Variants in ZNF704 observed in about 807,000 individuals in gnomAD.
ZNF704 encodes glucocorticoid induced gene 1.
ZNF704 carries 10 observed loss-of-function variants against 44.7 expected under a neutral mutation model. That is an observed-to-expected ratio of 0.22 (90% CI 0.14 to 0.38). ZNF704 has a LOEUF of 0.38. ZNF704 is among the 10% of genes least tolerant of loss of function. ZNF704 has a pLI of 1.00. For synonymous variants in ZNF704, 211 were observed against 207.6 expected, an observed-to-expected ratio of 1.02 and a Z score of -0.14; for missense variants, 390 against 545.5, an observed-to-expected ratio of 0.71 and a Z score of 2.84.
chr8:80,774,836 A>G (rs1030224023), intron 2 of ZNF704, among the ~76,000 whole-genome samples: 2 of 152,180 alleles, frequency 1.3e-5, no homozygotes, highest in Non-Finnish European at 2.9e-5. Context: ...AGCAGGCTCC[A>G]TTGGAGCTTT....
chr8:80,662,429 C>A (rs569153348), intron 6 of ZNF704, among the ~76,000 whole-genome samples: 1 of 152,192 alleles, frequency 6.6e-6, no homozygotes, highest in Non-Finnish European at 1.5e-5. Context: ...TATAGATGAG[C>A]AAAATGATTT....
chr8:80,775,499 A>C (rs975722048), intron 2 of ZNF704, among the ~76,000 whole-genome samples: 3 of 152,224 alleles, frequency 2.0e-5, no homozygotes, highest in African/African-American at 2.4e-5. Context: ...ATTTTCAGCA[A>C]GTTATTTTTC....
intron 1 of ZNF704, among the ~76,000 whole-genome samples, chr8:80,860,141 C>T (rs1208135947): frequency 1.3e-5 from 2 of 152,192 alleles, no homozygotes; most frequent in Non-Finnish European, 2.9e-5. Context: ...CTCTGTACTT[C>T]TGTGTGGCTT....
rs190635839 is a variant in ZNF704 at position 80,831,506 on chromosome 8, T to C, written c.-21-9891A>G. Among the ~76,000 whole-genome samples, 52 of 152,342 alleles carry C rather than the reference T, an allele frequency of 3.4e-4. 1 individual carries two copies. The highest frequency in any genetic ancestry group is 1.2e-3 in the African/African-American group (50 of 41,588). ...AAATATGAGCTGATATTCTTGTTAA[T>C]GGAAAACTTGAGACAATCTGAAAAA... On this transcript the variant is annotated intron_variant, in intron 1 of 8. Coordinates refer to ENST00000327835, the MANE Select transcript of ZNF704 (RefSeq NM_001033723.3).
chr8:80,808,314 GTT>G lies in ZNF704; in HGVS notation c.221+13058_221+13059del, dbSNP rs1808024393. ...TCAGTTGTAGATCTTACTATACTTT[GTT>G]TAAATTGCCTACAAAGAAAGGGAGT... On this transcript the variant is annotated intron_variant, in intron 2 of 8. Transcript: ENST00000327835. 2.0e-5 allele frequency among the ~76,000 whole-genome samples: 3 copies of G among 152,130 alleles called. No individual in the cohort carries two copies. In the South Asian group the frequency reaches 6.2e-4, roughly 32 times the overall value.
intron 4 of ZNF704, among the ~76,000 whole-genome samples, chr8:80,674,442 C>T (rs1438034523): frequency 6.6e-6 from 1 of 152,148 alleles, no homozygotes; most frequent in Non-Finnish European, 1.5e-5. Flanking sequence ...AGCACCTGCT[C>T]AGGTTCTGGT....
At chr8:80,852,221 T>TA (rs755073430) in intron 1 of ZNF704, among the ~76,000 whole-genome samples, 61 of 152,318 alleles carry the variant, frequency 4.0e-4, no homozygotes, top group Non-Finnish European at 7.5e-4. Flanking sequence ...AGGAATGCAA[T>TA]ACTGGGCTTT....
At chr8:80,858,076 AATT>A (rs1412100689) in intron 1 of ZNF704, among the ~76,000 whole-genome samples, 3 of 152,156 alleles carry the variant, frequency 2.0e-5, no homozygotes, top group African/African-American at 4.8e-5. Flanking sequence ...AATATGTCTG[AATT>A]TTCCTTTTAA....
intron 1 of ZNF704, among the ~76,000 whole-genome samples, chr8:80,868,065 T>C (rs1334351013): frequency 6.6e-6 from 1 of 152,244 alleles, no homozygotes; most frequent in Non-Finnish European, 1.5e-5. Context: ...TATCTCAGCC[T>C]CGCTACTGTT....
chr8:80,748,261 G>T (rs1476732667), intron 2 of ZNF704, among the ~76,000 whole-genome samples: 1 of 152,186 alleles, frequency 6.6e-6, no homozygotes, highest in Non-Finnish European at 1.5e-5. Flanking sequence ...TAATAAAAGT[G>T]GGCACCATGC....
intron 7 of ZNF704, chr8:80,645,263 G>A: frequency 1.6e-6 from 2 of 1,254,534 alleles, no homozygotes; most frequent in Non-Finnish European, 2.2e-6. Flanking sequence ...CCATATGTAG[G>A]AGGATAGACA....
chr8:80,837,124 C>T (rs1586064563), intron 1 of ZNF704, among the ~76,000 whole-genome samples: 1 of 152,076 alleles, frequency 6.6e-6, no homozygotes, highest in African/African-American at 2.4e-5. Context: ...CCTAGGGCTG[C>T]AAAAGTGTGG....
chr8:80,632,102 G>A lies in ZNF704; in HGVS notation c.*9264C>T, dbSNP rs1817596502. ...TTTTAAAGCTGTTTCTTGAGTGCTGGTTTTCCTCTTAAGTCAAGGATGTAG... is the reference window on the plus strand; with the variant it reads ...TTTTAAAGCTGTTTCTTGAGTGCTGATTTTCCTCTTAAGTCAAGGATGTAG... On this transcript the variant is annotated 3_prime_UTR_variant, in exon 9 of 9. Transcript: ENST00000327835. The A allele has an allele frequency of 6.6e-6, 1 of 152,202 alleles. No individual in the cohort carries two copies. The highest frequency in any genetic ancestry group is 2.4e-5 in the African/African-American group (1 of 41,444). 9.4% of individuals were successfully genotyped at this position (152,202 alleles called of 1,614,324 possible). A position where few individuals can be genotyped will look rare whatever the true frequency, so the allele number is the denominator to read the frequency against.
At chr8:80,719,920 T>C (rs556796553) in intron 2 of ZNF704, among the ~76,000 whole-genome samples, 7 of 152,208 alleles carry the variant, frequency 4.6e-5, no homozygotes, top group Admixed American at 1.3e-4. Context: ...AGTACCGAGA[T>C]TGATGGAATG....
intron 2 of ZNF704, among the ~76,000 whole-genome samples, chr8:80,701,443 T>C (rs1350403855): frequency 1.3e-5 from 2 of 152,088 alleles, no homozygotes; most frequent in Non-Finnish European, 2.9e-5. Flanking sequence ...CTGCCTTTCT[T>C]ACCTTCTTGC....
the ZNF704 span, among the ~76,000 whole-genome samples, chr8:80,882,405 A>T: frequency 6.6e-6 from 1 of 151,934 alleles, no homozygotes; most frequent in South Asian, 2.1e-4. Context: ...TTCAAGTTTT[A>T]CTTCCCCTTC....
chr8:80,705,816 A>G (rs190075707), intron 2 of ZNF704, among the ~76,000 whole-genome samples: 69 of 152,266 alleles, frequency 4.5e-4, no homozygotes, highest in African/African-American at 1.5e-3. Context: ...CACCCACTAA[A>G]TATGAGCTTG....
intron 1 of ZNF704, among the ~76,000 whole-genome samples, chr8:80,844,197 C>A (rs1808729960): frequency 6.6e-6 from 1 of 152,096 alleles, no homozygotes; most frequent in African/African-American, 2.4e-5. Context: ...GAGGAAATGT[C>A]TTTGTCAGCT....
chr8:80,774,648 G>A (rs990600257), intron 2 of ZNF704, among the ~76,000 whole-genome samples: 2 of 152,166 alleles, frequency 1.3e-5, no homozygotes, highest in African/African-American at 4.8e-5. Context: ...ACTCCAGCAG[G>A]AGTATTAGCA....
Sources: allele counts gnomAD v4.1 joint callset (sites outside exome capture counted in the v4.1 genomes callset), GRCh38; gene constraint gnomAD v4.1.1; transcripts MANE v1.5; gene names NCBI Gene and HGNC (gene_info 2026-07-23, HGNC 2026-07-21).